NCAM1: variants seen among roughly 807,000 people sequenced by gnomAD.
The protein encoded by NCAM1 is neural cell adhesion molecule 1, also known as antigen recognized by monoclonal antibody 5.1H11.
A neutral mutation model predicts 109.8 loss-of-function variants in NCAM1; 14 were observed. The observed-to-expected ratio is 0.13, with a 90% CI of 0.08 to 0.20. The LOEUF is 0.20. Among genes scored for constraint, NCAM1 ranks in the 10% least tolerant of loss-of-function variants. The pLI, the probability that NCAM1 is intolerant of heterozygous loss-of-function variation, is 1.00. For synonymous variants in NCAM1, 418 were observed against 442.9 expected (o/e 0.94, Z 0.70); for missense variants, 774 against 1,109.9 (o/e 0.70, Z 4.30).
At chr11:113,257,051 AG>A (rs1457905836) in intron 16 of NCAM1, among the ~76,000 whole-genome samples, 2 of 152,354 alleles carry the variant, frequency 1.3e-5, no homozygotes, top group East Asian at 3.9e-4. Flanking sequence ...TCTCAGCTGC[AG>A]AGGCCTTGTT....
At chr11:113,186,133 G>C (rs1403975480) in intron 1 of NCAM1, among the ~76,000 whole-genome samples, 1 of 152,156 alleles carries the variant, frequency 6.6e-6, no homozygotes, top group Non-Finnish European at 1.5e-5. Context: ...AGTCATTTAG[G>C]CCAGGGGTCC....
At position 113,214,020 on chromosome 11, in the gene NCAM1, A is replaced by G. The variant is rs190470911; in HGVS notation, c.917-349A>G. 2.3e-3 allele frequency among the ~76,000 whole-genome samples: 354 copies of G among 152,256 alleles called. 10 individuals carry two copies. The highest frequency in any genetic ancestry group is 0.022 in the South Asian group (107 of 4,814). ...AGTTTCCTACACTTCAAATGACTCC[A>G]TCTCCACCCTAGAGTTCCACCTCCT... is the stretch of plus-strand genomic sequence containing the variant. On this transcript the variant is annotated intron_variant, in intron 7 of 19. Transcript: ENST00000316851.
chr11:113,030,876 T>G (rs1275621554), intron 1 of NCAM1, among the ~76,000 whole-genome samples: 1 of 152,214 alleles, frequency 6.6e-6, no homozygotes, highest in Non-Finnish European at 1.5e-5. Flanking sequence ...ACCTAGATAT[T>G]TCAAGGAAGT....
chr11:113,101,141 G>A (rs1555091445), intron 1 of NCAM1, among the ~76,000 whole-genome samples: 3 of 152,110 alleles, frequency 2.0e-5, no homozygotes, highest in East Asian at 3.9e-4. Flanking sequence ...AGTTTCCCTG[G>A]TTTGCCTTTG....
At chr11:113,208,205 C>T (rs563567046) in intron 7 of NCAM1, among the ~76,000 whole-genome samples, 106 of 152,282 alleles carry the variant, frequency 7.0e-4, no homozygotes, top group African/African-American at 2.4e-3. Flanking sequence ...CATAGCTGGC[C>T]TCCCCGACTC....
chr11:113,020,923 A>G (rs898991554), intron 1 of NCAM1, among the ~76,000 whole-genome samples: 2 of 151,874 alleles, frequency 1.3e-5, no homozygotes, highest in Non-Finnish European at 2.9e-5. Context: ...TGCCCGACAA[A>G]TTTTTGTATT....
intron 18 of NCAM1, among the ~76,000 whole-genome samples, chr11:113,271,144 T>C (rs1271489254): frequency 6.6e-6 from 1 of 151,726 alleles, no homozygotes; most frequent in East Asian, 1.9e-4. Flanking sequence ...CCGAGATGGA[T>C]GGATCATTTG....
intron 1 of NCAM1, among the ~76,000 whole-genome samples, chr11:112,971,165 A>G (rs1405598217): frequency 2.0e-5 from 3 of 151,784 alleles, no homozygotes; most frequent in African/African-American, 7.3e-5. Context: ...AGAAGGAGGG[A>G]AGAAGTGGAA....
At chr11:113,176,286 T>C (rs782204379) in intron 1 of NCAM1, among the ~76,000 whole-genome samples, 4 of 152,180 alleles carry the variant, frequency 2.6e-5, no homozygotes, top group Non-Finnish European at 5.9e-5. Context: ...TGGAGGCTAA[T>C]AGATTTAGGA....
At position 113,132,604 on chromosome 11, in the gene NCAM1, A is replaced by ATGTGTGTGTGTG. The variant is rs71060290; in HGVS notation, c.53-69739_53-69728dup. ...TGGGATCAGGCATATATTAGGAAGC[A>ATGTGTGTGTGTG]TGTGTGTGTGTGTGTGTGTGTGTGT... On this transcript the variant is annotated intron_variant, in intron 1 of 19. Coordinates refer to ENST00000316851, the MANE Select transcript of NCAM1 (RefSeq NM_181351.5). Among the ~76,000 whole-genome samples the ATGTGTGTGTGTG allele has an allele frequency of 4.3e-3, 556 of 130,360 alleles. 4 individuals carry two copies. Among genetic ancestry groups the ATGTGTGTGTGTG allele is most frequent in the African/African-American group, 0.016 (504 of 32,104 alleles). 85.5% of individuals were successfully genotyped at this position (130,360 alleles called of 152,430 possible). A position where few individuals can be genotyped will look rare whatever the true frequency, so the allele number is the denominator to read the frequency against.
At chr11:113,060,299 G>A (rs555984970) in intron 1 of NCAM1, among the ~76,000 whole-genome samples, 28 of 152,162 alleles carry the variant, frequency 1.8e-4, no homozygotes, top group South Asian at 4.2e-4. Context: ...CCTGTTTTTT[G>A]GCAGTGATTT....
At chr11:112,974,393 G>A (rs992758892) in intron 1 of NCAM1, among the ~76,000 whole-genome samples, 2 of 151,968 alleles carry the variant, frequency 1.3e-5, no homozygotes, top group Non-Finnish European at 2.9e-5. Context: ...AGTAAAGAGT[G>A]AGACCCTGAA....
chr11:113,002,091 A>G lies in NCAM1; in HGVS notation c.52+40427A>G, dbSNP rs118001294. ...AGGCCAGATTCCCATTTCTGAAACAATTAGTAAGCTGGGGAGATGATGCCC... is the reference window on the plus strand; with the variant it reads ...AGGCCAGATTCCCATTTCTGAAACAGTTAGTAAGCTGGGGAGATGATGCCC... On this transcript the variant is annotated intron_variant, in intron 1 of 19. Transcript: ENST00000316851. 5.0e-3 allele frequency among the ~76,000 whole-genome samples: 768 copies of G among 152,284 alleles called. 5 individuals carry two copies. Among genetic ancestry groups the G allele is most frequent in the South Asian group, 0.018 (87 of 4,814 alleles).
intron 7 of NCAM1, 83 bp from the exon 8 acceptor site, chr11:113,214,286 T>G: frequency 6.8e-7 from 1 of 1,461,678 alleles, no homozygotes; most frequent in Admixed American, 1.9e-5. Context: ...ACAGCTAACC[T>G]TTGTTGGATA....
At chr11:113,218,507 A>C (rs782815659) in intron 8 of NCAM1, among the ~76,000 whole-genome samples, 3 of 152,296 alleles carry the variant, frequency 2.0e-5, no homozygotes, top group African/African-American at 7.2e-5. Context: ...AAGGCATTCA[A>C]CCATAGACAT....
At chr11:113,237,943 T>TAG (rs1555118620) in intron 14 of NCAM1, among the ~76,000 whole-genome samples, 1 of 125,980 alleles carries the variant, frequency 7.9e-6, no homozygotes, top group African/African-American at 3.2e-5. Flanking sequence ...TATAGATATA[T>TAG]ATATAGATAT....
intron 1 of NCAM1, among the ~76,000 whole-genome samples, chr11:113,047,885 G>A (rs189458783): frequency 2.5e-3 from 379 of 152,202 alleles, no homozygotes; most frequent in Non-Finnish European, 4.0e-3. Flanking sequence ...ACCCCCCACT[G>A]AGTCCCTCCC....
chr11:113,091,959 T>G (rs1031038012), intron 1 of NCAM1, among the ~76,000 whole-genome samples: 6 of 152,108 alleles, frequency 3.9e-5, no homozygotes, highest in Non-Finnish European at 8.8e-5. Context: ...AATTCTTTCT[T>G]AAGTAAAGAT....
At chr11:113,209,371 G>A (rs1271205139) in intron 7 of NCAM1, among the ~76,000 whole-genome samples, 1 of 152,228 alleles carries the variant, frequency 6.6e-6, no homozygotes. Flanking sequence ...TTAACCGTAC[G>A]TATTTGAGAG....
Sources: gnomAD v4.1 joint callset for allele counts (sites outside exome capture counted in the v4.1 genomes callset) on GRCh38, gnomAD v4.1.1 for gene constraint, MANE v1.5 for transcripts, NCBI Gene and HGNC (gene_info 2026-07-23, HGNC 2026-07-21) for gene names.